Variants in RAB27B observed in about 807,000 individuals in gnomAD.
The protein encoded by RAB27B is ras-related protein Rab-27B.
RAB27B carries 15 observed loss-of-function variants against 24.6 expected under a neutral mutation model. The ratio of observed to expected loss-of-function variants is 0.61; its 90% CI spans 0.41 to 0.94. The LOEUF is 0.94. Among genes scored for constraint, RAB27B ranks in the 40% least tolerant of loss-of-function variants. RAB27B has a pLI of 0.00. For missense variants in RAB27B, 261 were observed against 266.8 expected (o/e 0.98, Z 0.15); for synonymous variants, 105 against 92.5 (o/e 1.14, Z -0.78).
chr18:54,875,354 A>G (rs1377396750), intron 1 of RAB27B, among the ~76,000 whole-genome samples: 6 of 152,130 alleles, frequency 3.9e-5, no homozygotes, highest in African/African-American at 9.7e-5. Context: ...TTTTTGGAGA[A>G]TCTGAGAAAC....
intron 1 of RAB27B, among the ~76,000 whole-genome samples, chr18:54,865,389 T>C (rs1912176674): frequency 6.6e-6 from 1 of 152,082 alleles, no homozygotes; most frequent in Non-Finnish European, 1.5e-5. Flanking sequence ...TCTGGGGAAA[T>C]AACCATGAAA....
intron 1 of RAB27B, among the ~76,000 whole-genome samples, chr18:54,851,610 G>A (rs1911592878): frequency 6.6e-6 from 1 of 152,120 alleles, no homozygotes; most frequent in South Asian, 2.1e-4. Context: ...TGGGTGTCCT[G>A]AATTTTATTG....
At chr18:54,774,021 A>G (rs1182688325) in intron 2 of RAB27B, among the ~76,000 whole-genome samples, 3 of 152,156 alleles carry the variant, frequency 2.0e-5, no homozygotes, top group Non-Finnish European at 4.4e-5. Context: ...AGTTAATTTA[A>G]CTAAATACAA....
At chr18:54,755,035 C>G (rs539788750) in intron 2 of RAB27B, among the ~76,000 whole-genome samples, 1 of 152,250 alleles carries the variant, frequency 6.6e-6, no homozygotes, top group African/African-American at 2.4e-5. Flanking sequence ...AGCACATTTT[C>G]AGAACACAGC....
intron 2 of RAB27B, among the ~76,000 whole-genome samples, chr18:54,797,712 GTC>G (rs1433297186): frequency 3.3e-5 from 5 of 152,110 alleles, no homozygotes; most frequent in African/African-American, 1.2e-4. Flanking sequence ...GGTCTACTGG[GTC>G]TAACCTTGGC....
rs1416858032 is a variant in RAB27B, at chr18:54,889,552, A to T, written c.*139A>T. 1.2e-6 allele frequency: 1 copy of T among 809,238 alleles called. No homozygotes were observed. Among genetic ancestry groups the T allele is most frequent in the Non-Finnish European group, 1.9e-6 (1 of 534,112 alleles). 50.1% of individuals were successfully genotyped at this position (809,238 alleles called of 1,614,324 possible). ...TTCTGCCAGAAAATCTATTTTAAGA[A>T]ACCAGAATAGTCAACAGTGTTCAAA... is the stretch of plus-strand genomic sequence containing the variant. On this transcript the variant is annotated 3_prime_UTR_variant, in exon 6 of 6. Transcript: ENST00000262094.
intron 1 of RAB27B, among the ~76,000 whole-genome samples, chr18:54,850,357 T>TATATATATATATATATATAC (rs1264669719): frequency 6.1e-5 from 8 of 130,568 alleles, no homozygotes; most frequent in South Asian, 2.4e-4. Context: ...TATATATATA[T>TATATATATATATATATATAC]ATACATACAT....
intron 2 of RAB27B, among the ~76,000 whole-genome samples, chr18:54,718,921 G>C (rs1392837805): frequency 1.3e-5 from 2 of 152,134 alleles, no homozygotes; most frequent in East Asian, 3.8e-4. Flanking sequence ...CAAACTGTTA[G>C]ATGTGGTTTT....
chr18:54,873,201 T>C (rs1912547185), intron 1 of RAB27B, among the ~76,000 whole-genome samples: 1 of 152,254 alleles, frequency 6.6e-6, no homozygotes, highest in Admixed American at 6.5e-5. Flanking sequence ...CTAGACCACC[T>C]GATTACTTGA....
At chr18:54,818,156 C>G (rs898450540) in intron 2 of RAB27B, among the ~76,000 whole-genome samples, 1 of 152,150 alleles carries the variant, frequency 6.6e-6, no homozygotes, top group African/African-American at 2.4e-5. Context: ...AATAGCCGTA[C>G]AATCCTTTGG....
At chr18:54,839,369 A>G (rs1911019905) in intron 1 of RAB27B, among the ~76,000 whole-genome samples, 1 of 152,202 alleles carries the variant, frequency 6.6e-6, no homozygotes, top group Admixed American at 6.5e-5. Context: ...ATAACTTGCT[A>G]AGATTACAAG....
At chr18:54,753,683 G>A (rs2145036893) in intron 2 of RAB27B, among the ~76,000 whole-genome samples, 1 of 152,220 alleles carries the variant, frequency 6.6e-6, no homozygotes, top group Admixed American at 6.5e-5. Flanking sequence ...ATGTCTATAA[G>A]CTTTCACAGG....
chr18:54,726,437 A>G (rs551446946), intron 2 of RAB27B, among the ~76,000 whole-genome samples: 22 of 151,676 alleles, frequency 1.5e-4, no homozygotes, highest in African/African-American at 5.1e-4. Context: ...TTTTCCCCAC[A>G]GCCTGCCTTT....
intron 1 of RAB27B, among the ~76,000 whole-genome samples, chr18:54,857,370 A>G (rs2145229893): frequency 6.6e-6 from 1 of 152,326 alleles, no homozygotes. Flanking sequence ...CATCATATTC[A>G]CCACACCCTT....
chr18:54,734,222 C>T (rs975848345), intron 2 of RAB27B, among the ~76,000 whole-genome samples: 10 of 152,096 alleles, frequency 6.6e-5, no homozygotes, highest in South Asian at 2.1e-4. Context: ...GTGTGTAATA[C>T]GTCTGCTAGT....
chr18:54,759,112 A>G (rs903101894), intron 2 of RAB27B, among the ~76,000 whole-genome samples: 5 of 152,182 alleles, frequency 3.3e-5, no homozygotes, highest in African/African-American at 1.2e-4. Flanking sequence ...TTGAATCACT[A>G]CTAGTGTCAA....
chr18:54,790,887 G>A (rs1909226885), intron 2 of RAB27B, among the ~76,000 whole-genome samples: 1 of 152,106 alleles, frequency 6.6e-6, no homozygotes, highest in Non-Finnish European at 1.5e-5. Context: ...TGACATCACT[G>A]AACTTCTTCA....
chr18:54,776,564 A>C (rs1191950822), intron 2 of RAB27B, among the ~76,000 whole-genome samples: 1 of 152,184 alleles, frequency 6.6e-6, no homozygotes, highest in Non-Finnish European at 1.5e-5. Context: ...TTATCCTCAC[A>C]GAGGATAGAT....
At position 54,863,992 on chromosome 18, in the gene RAB27B, G is replaced by A. The variant is rs552952072; in HGVS notation, c.-19-13575G>A. On this transcript the variant is annotated intron_variant, in intron 1 of 5. Coordinates refer to ENST00000262094, the MANE Select transcript of RAB27B (RefSeq NM_004163.4). Reference sequence around the variant, plus strand: ...TGAGCATTCATGTACAAATCTTTGAGTGAATATATGTTTTCATTTCTTTTG... The same window carrying A: ...TGAGCATTCATGTACAAATCTTTGAATGAATATATGTTTTCATTTCTTTTG... Among the ~76,000 whole-genome samples the A allele has an allele frequency of 1.6e-4, 25 of 152,262 alleles. 1 individual carries two copies. Among genetic ancestry groups the A allele is most frequent in the African/African-American group, 6.0e-4 (25 of 41,558 alleles).
Sources: gnomAD v4.1 joint callset for allele counts (sites outside exome capture counted in the v4.1 genomes callset) on GRCh38, gnomAD v4.1.1 for gene constraint, MANE v1.5 for transcripts, NCBI Gene and HGNC (gene_info 2026-07-23, HGNC 2026-07-21) for gene names.